The following ADAM20 variants were observed in gnomAD, a reference collection of about 807,000 sequenced individuals.
The protein encoded by ADAM20 is disintegrin and metalloproteinase domain-containing protein 20.
For missense variants in ADAM20, 871 were observed against 883.2 expected (o/e 0.99, Z 0.18); for synonymous variants, 305 against 310.2 (o/e 0.98, Z 0.18).
chr14:70,537,396 G>C (rs1434678844), upstream of ADAM20, among the ~76,000 whole-genome samples: 1 of 152,082 alleles, frequency 6.6e-6, no homozygotes, highest in Non-Finnish European at 1.5e-5. Flanking sequence ...TCCAGTCCAA[G>C]AGGCCCTTTG....
chr14:70,523,012 C>G lies in ADAM20; in HGVS notation c.1746G>C (p.Gln582His). 1 of 1,614,034 alleles carries G rather than the reference C, an allele frequency of 6.2e-7. No individual in the cohort carries two copies. The highest frequency in any genetic ancestry group is 1.7e-5 in the Admixed American group (1 of 59,974). Residue 582 changes from glutamine (Q) to histidine (H), a missense_variant, in exon 2 of 2, where the codon CAG becomes CAC. Transcript: ENST00000256389. ...IPNLIEHSTV[Q>H]QFHLNDTTCW... The stretch of plus-strand genomic sequence containing the variant: ...AAGTGGTGTCATTGAGGTGAAACTG[C>G]TGCACTGTAGAATGCTCTATCAGAT...
chr14:70,533,810 C>T (rs375748188), intron 1 of ADAM20, among the ~76,000 whole-genome samples: 7 of 150,828 alleles, frequency 4.6e-5, no homozygotes, highest in African/African-American at 1.5e-4. Context: ...AGGCTGGGCA[C>T]GGTGGCTCAT....
rs1883543596 is a variant in ADAM20 at position 70,524,586 on chromosome 14, G to C, written c.172C>G (p.Pro58Ala). ...CGCAGGCTATAGGAGAGCCATCCAGGAGCCTTTGCACCTCTGCCCCTGCTG... is the reference window on the plus strand; with the variant it reads ...CGCAGGCTATAGGAGAGCCATCCAGCAGCCTTTGCACCTCTGCCCCTGCTG... ...VISRGRGAKA[P>A]GWLSYSLRFG... The change falls in exon 2 of 2, where the codon CCT (proline) becomes GCT (alanine). Residue 58 changes from proline to alanine, a missense_variant. Physicochemically the swap from Pro to Ala is conservative, Grantham distance 27 (BLOSUM62 -1). Transcript: ENST00000256389. 1 of 1,613,860 alleles carries C rather than the reference G, an allele frequency of 6.2e-7. No homozygotes were observed. The highest frequency in any genetic ancestry group is 1.7e-5 in the Admixed American group (1 of 59,952).
chr14:70,574,467 C>T, the ADAM20 span, among the ~76,000 whole-genome samples: 1 of 151,750 alleles, frequency 6.6e-6, no homozygotes, highest in African/African-American at 2.4e-5. Context: ...GGTGAAACTC[C>T]GTCTCTACTA....
At position 70,524,368 on chromosome 14, in the gene ADAM20, C is replaced by T. The variant is rs770395441; in HGVS notation, c.390G>A (p.Gly130=). ...TTATCTGTAGCATTCCAAGAAAGCC[C>T]CCAGAACAGGTACTAAGGGCAACCA... is the stretch of plus-strand genomic sequence containing the variant. The part of the protein sequence containing the change: ...ESLVALSTCS[G]GFLGMLQIND... Residue 130 remains glycine, a synonymous_variant, in exon 2 of 2, where the codon GGG becomes GGA. Transcript: ENST00000256389. 2 of 1,613,894 alleles carry T rather than the reference C, an allele frequency of 1.2e-6. No homozygotes were observed. Among genetic ancestry groups the T allele is most frequent in the Admixed American group, 3.3e-5 (2 of 59,994 alleles).
At chr14:70,547,229 G>A in the ADAM20 span, 2 of 152,262 alleles carry the variant, frequency 1.3e-5, no homozygotes, top group East Asian at 1.9e-4. Flanking sequence ...AGAAAAATCC[G>A]GGATGTGATG....
chr14:70,569,438 T>C, the ADAM20 span, among the ~76,000 whole-genome samples: 1 of 152,168 alleles, frequency 6.6e-6, no homozygotes, highest in East Asian at 1.9e-4. Context: ...TAGTCTTACA[T>C]GTAAATGGTC....
the ADAM20 span, among the ~76,000 whole-genome samples, chr14:70,578,692 G>A: frequency 9.5e-3 from 1,440 of 152,140 alleles, 14 homozygotes; most frequent in African/African-American, 0.027. Context: ...ATGAACAGAT[G>A]CCTGTTTTTT....
the ADAM20 span, among the ~76,000 whole-genome samples, chr14:70,563,646 T>C: frequency 2.0e-5 from 3 of 152,176 alleles, no homozygotes; most frequent in African/African-American, 7.2e-5. Flanking sequence ...TATGGCTCTG[T>C]GGTATCCTTG....
chr14:70,529,229 C>T (rs1555355518), intron 1 of ADAM20, among the ~76,000 whole-genome samples: 2 of 152,146 alleles, frequency 1.3e-5, no homozygotes, highest in Non-Finnish European at 1.5e-5. Context: ...CATCAGAACA[C>T]ACATTCTTCT....
chr14:70,522,571 T>C lies in ADAM20; in HGVS notation c.*6A>G. On this transcript the variant is annotated 3_prime_UTR_variant, in exon 2 of 2. Transcript: ENST00000256389. Reference sequence around the variant, plus strand: ...AAGTTTAGTCTCCTTCTTTTTCCCATTTCTCTTATCCTTCTTCATCTTCTT... The same window carrying C: ...AAGTTTAGTCTCCTTCTTTTTCCCACTTCTCTTATCCTTCTTCATCTTCTT... 6.4e-7 allele frequency: 1 copy of C among 1,564,988 alleles called. No homozygotes were observed.
chr14:70,524,981 G>C, intron 1 of ADAM20, 48 bp from the exon 2 acceptor site: 2 of 1,477,666 alleles, frequency 1.4e-6, no homozygotes, highest in Non-Finnish European at 1.8e-6. Flanking sequence ...GAGAAAGAGA[G>C]AGAGAAAAAA....
chr14:70,558,559 T>C, the ADAM20 span, among the ~76,000 whole-genome samples: 3 of 152,090 alleles, frequency 2.0e-5, no homozygotes, highest in African/African-American at 4.8e-5. Context: ...GAGTTGCTCA[T>C]TGTCCAGCTG....
At position 70,524,897 on chromosome 14, in the gene ADAM20, A is replaced by G; in HGVS notation, c.-140T>C. On this transcript the variant is annotated 5_prime_UTR_variant, in exon 2 of 2. Coordinates refer to ENST00000256389, the MANE Select transcript of ADAM20 (RefSeq NM_003814.5). Reference sequence around the variant, plus strand: ...GATCTGGGGATCTGTGTCCTGGTGGAGCTGGACCATCAGAGCTGCAGTGCT... The same window carrying G: ...GATCTGGGGATCTGTGTCCTGGTGGGGCTGGACCATCAGAGCTGCAGTGCT... The G allele has an allele frequency of 1.2e-6, 2 of 1,608,468 alleles. No homozygotes were observed. The highest frequency in any genetic ancestry group is 1.7e-6 in the Non-Finnish European group (2 of 1,177,484).
the ADAM20 span, among the ~76,000 whole-genome samples, chr14:70,541,854 T>C: frequency 6.6e-6 from 1 of 152,238 alleles, no homozygotes; most frequent in Non-Finnish European, 1.5e-5. Context: ...TATGTTCAAA[T>C]TATTGTGTGC....
chr14:70,542,143 A>C, the ADAM20 span, among the ~76,000 whole-genome samples: 16 of 152,216 alleles, frequency 1.1e-4, no homozygotes, highest in Non-Finnish European at 2.4e-4. Context: ...AGCTACTGAC[A>C]GCTTTTAAAA....
the ADAM20 span, among the ~76,000 whole-genome samples, chr14:70,575,955 T>C: frequency 6.6e-6 from 1 of 152,178 alleles, no homozygotes; most frequent in South Asian, 2.1e-4. Flanking sequence ...TTTTCAAAAA[T>C]ATTTAAAACT....
intron 1 of ADAM20, among the ~76,000 whole-genome samples, chr14:70,532,377 A>T (rs1283540636): frequency 6.6e-6 from 1 of 152,152 alleles, no homozygotes; most frequent in African/African-American, 2.4e-5. Context: ...CTTTAAAAAA[A>T]CACACACGAG....
the ADAM20 span, among the ~76,000 whole-genome samples, chr14:70,573,401 T>C: frequency 6.6e-6 from 1 of 152,110 alleles, no homozygotes; most frequent in Non-Finnish European, 1.5e-5. Context: ...GACATAAAGA[T>C]AGAAATATTA....
Sources: gnomAD v4.1 joint callset for allele counts (sites outside exome capture counted in the v4.1 genomes callset) on GRCh38, gnomAD v4.1.1 for gene constraint, MANE v1.5 for transcripts, NCBI Gene and HGNC (gene_info 2026-07-23, HGNC 2026-07-21) for gene names.